SCFD2: variants seen among roughly 807,000 people sequenced by gnomAD.
SCFD2 encodes sec1 family domain containing 2.
A neutral mutation model predicts 58.9 loss-of-function variants in SCFD2; 54 were observed. The observed-to-expected ratio is 0.92, with a 90% CI of 0.74 to 1.15. The LOEUF (loss-of-function observed/expected upper bound fraction) is 1.15. Ranked by LOEUF, SCFD2 falls within the 50% of genes most tolerant of loss-of-function variation. The probability of loss-of-function intolerance (pLI) is 0.00; values close to 1 mark genes in which losing one functional copy is unlikely to be tolerated. For missense variants in SCFD2, 805 were observed against 836.6 expected, an observed-to-expected ratio of 0.96 and a Z score of 0.47; for synonymous variants, 321 against 335.9, an observed-to-expected ratio of 0.96 and a Z score of 0.49.
intron 5 of SCFD2, among the ~76,000 whole-genome samples, chr4:53,030,821 T>C (rs1722598392): frequency 6.6e-6 from 1 of 152,218 alleles, no homozygotes; most frequent in Non-Finnish European, 1.5e-5. Flanking sequence ...TTGATGGACA[T>C]ATAAAAGCCA....
At chr4:53,211,574 T>A (rs919531607) in intron 4 of SCFD2, among the ~76,000 whole-genome samples, 12 of 151,992 alleles carry the variant, frequency 7.9e-5, no homozygotes, top group African/African-American at 2.7e-4. Context: ...GGGTCAGTCT[T>A]GGGGACTGAG....
At chr4:53,198,277 GTTTATC>G (rs1351068519) in intron 4 of SCFD2, among the ~76,000 whole-genome samples, 3 of 151,896 alleles carry the variant, frequency 2.0e-5, no homozygotes, top group Non-Finnish European at 4.4e-5. Context: ...AAGTACTGTT[GTTTATC>G]TTCATCTTCA....
At chr4:52,977,152 T>A (rs549634179) in intron 5 of SCFD2, among the ~76,000 whole-genome samples, 33 of 152,238 alleles carry the variant, frequency 2.2e-4, no homozygotes, top group African/African-American at 7.7e-4. Context: ...AGTTGACTCC[T>A]TGTACTGTCA....
intron 5 of SCFD2, among the ~76,000 whole-genome samples, chr4:53,112,408 A>C (rs1725197942): frequency 6.6e-6 from 1 of 152,008 alleles, no homozygotes; most frequent in African/African-American, 2.4e-5. Context: ...ATCAATATAA[A>C]CTCAACTGGG....
At chr4:52,960,517 C>T (rs1314960517) in intron 5 of SCFD2, among the ~76,000 whole-genome samples, 3 of 152,008 alleles carry the variant, frequency 2.0e-5, no homozygotes, top group Admixed American at 6.6e-5. Context: ...TATAGGCATA[C>T]ACCACCATGC....
intron 4 of SCFD2, among the ~76,000 whole-genome samples, chr4:53,242,469 G>GGA (rs527778925): frequency 6.6e-6 from 1 of 151,636 alleles, no homozygotes; most frequent in African/African-American, 2.4e-5. Context: ...GATAAAAGAG[G>GGA]AAAAAAAATC....
chr4:52,907,728 G>A, intron 6 of SCFD2, 137 bp from the exon 7 acceptor site: 1 of 695,830 alleles, frequency 1.4e-6, no homozygotes, highest in Non-Finnish European at 2.4e-6. Context: ...GTGTGTGTGT[G>A]TGTGTGTGTG....
chr4:53,264,670 G>A (rs1464571193), intron 4 of SCFD2, among the ~76,000 whole-genome samples: 2 of 152,200 alleles, frequency 1.3e-5, no homozygotes, highest in African/African-American at 4.8e-5. Flanking sequence ...GCCATATGGC[G>A]TGAGAGCTAA....
intron 4 of SCFD2, among the ~76,000 whole-genome samples, chr4:53,250,514 T>C (rs186233319): frequency 6.6e-6 from 1 of 152,078 alleles, no homozygotes; most frequent in Non-Finnish European, 1.5e-5. Flanking sequence ...CCTCAGCAAA[T>C]GTAAAAGAAC....
intron 5 of SCFD2, among the ~76,000 whole-genome samples, chr4:53,044,966 T>C (rs1723003321): frequency 7.5e-6 from 1 of 133,526 alleles, no homozygotes; most frequent in Admixed American, 8.1e-5. Flanking sequence ...TGGTAACTTA[T>C]AGTCACTTAG....
chr4:53,203,382 T>A (rs1322759296), intron 4 of SCFD2, among the ~76,000 whole-genome samples: 1 of 152,064 alleles, frequency 6.6e-6, no homozygotes, highest in Non-Finnish European at 1.5e-5. Context: ...TATTTGATTC[T>A]AGTTAGATCA....
intron 2 of SCFD2, 41 bp from the exon 3 acceptor site, chr4:53,313,804 A>C (rs1229730477): frequency 6.2e-7 from 1 of 1,606,574 alleles, no homozygotes. Context: ...ATAAATTTCT[A>C]CTGGATACTG....
At chr4:53,164,461 G>A (rs2148930183) in intron 4 of SCFD2, among the ~76,000 whole-genome samples, 1 of 152,274 alleles carries the variant, frequency 6.6e-6, no homozygotes, top group Middle Eastern at 3.4e-3. Flanking sequence ...GGCTTCCATT[G>A]TAGCCACCTA....
intron 4 of SCFD2, among the ~76,000 whole-genome samples, chr4:53,187,184 A>G (rs7672997): frequency 0.45 from 68,487 of 151,868 alleles, 16,435 homozygotes; most frequent in Admixed American, 0.53. Context: ...TAATATATAC[A>G]AATGAGAAAA....
chr4:53,319,485 A>G (rs1163355431), intron 2 of SCFD2, among the ~76,000 whole-genome samples: 2 of 151,980 alleles, frequency 1.3e-5, no homozygotes, highest in Admixed American at 6.6e-5. Flanking sequence ...CTCTAACTCT[A>G]TGTACAACAT....
At chr4:52,970,303 C>T (rs540361520) in intron 5 of SCFD2, among the ~76,000 whole-genome samples, 8 of 152,326 alleles carry the variant, frequency 5.3e-5, no homozygotes, top group East Asian at 1.9e-4. Flanking sequence ...CCTGGAAAAT[C>T]GGGTCACTCC....
intron 4 of SCFD2, among the ~76,000 whole-genome samples, chr4:53,171,059 T>C (rs545668613): frequency 2.0e-5 from 3 of 152,342 alleles, no homozygotes; most frequent in South Asian, 2.1e-4. Flanking sequence ...TCCAGTACTA[T>C]GCTAAATAGA....
At chr4:53,340,843 C>T (rs536477736) in intron 2 of SCFD2, among the ~76,000 whole-genome samples, 4 of 152,332 alleles carry the variant, frequency 2.6e-5, no homozygotes, top group South Asian at 2.1e-4. Flanking sequence ...GATACCCAGG[C>T]AAACAGGGTC....
At chr4:53,295,484 C>G (rs1208140729) in intron 3 of SCFD2, among the ~76,000 whole-genome samples, 2 of 151,946 alleles carry the variant, frequency 1.3e-5, no homozygotes, top group African/African-American at 4.8e-5. Context: ...TGCAGATTGA[C>G]TTTGTATCGT....
Sources: gnomAD v4.1 joint callset for allele counts (sites outside exome capture counted in the v4.1 genomes callset) on GRCh38, gnomAD v4.1.1 for gene constraint, MANE v1.5 for transcripts, NCBI Gene and HGNC (gene_info 2026-07-23, HGNC 2026-07-21) for gene names.